The following GLT1D1 variants were observed in gnomAD, a reference collection of about 807,000 sequenced individuals.
GLT1D1 encodes glycosyltransferase 1 domain containing 1.
A neutral mutation model predicts 28.7 loss-of-function variants in GLT1D1; 21 were observed. The observed-to-expected ratio is 0.73, with a 90% CI of 0.52 to 1.05. GLT1D1 has a LOEUF of 1.05. GLT1D1 is among the 50% of genes least tolerant of loss of function. The pLI is 0.00. For missense variants in GLT1D1, 343 were observed against 330.6 expected, an observed-to-expected ratio of 1.04 and a Z score of -0.29; for synonymous variants, 147 against 124.8, an observed-to-expected ratio of 1.18 and a Z score of -1.19.
chr12:128,963,519 G>A (rs564145056), intron 7 of GLT1D1, among the ~76,000 whole-genome samples: 65 of 152,132 alleles, frequency 4.3e-4, no homozygotes, highest in Admixed American at 1.5e-3. Flanking sequence ...AGTGGTGGGC[G>A]CCTGTAATCC....
intron 4 of GLT1D1, among the ~76,000 whole-genome samples, chr12:128,908,910 C>T (rs1301899946): frequency 6.6e-6 from 1 of 152,090 alleles, no homozygotes; most frequent in Admixed American, 6.6e-5. Flanking sequence ...GATCGCGCCC[C>T]TGCACTCCAG....
chr12:128,929,268 A>G (rs949049867), intron 4 of GLT1D1, among the ~76,000 whole-genome samples: 11 of 152,192 alleles, frequency 7.2e-5, no homozygotes, highest in Non-Finnish European at 1.5e-4. Flanking sequence ...AGCAGCTCAC[A>G]TGGACTAAGC....
At chr12:128,945,164 C>A in intron 4 of GLT1D1, 162 bp from the exon 9 acceptor site, 2 of 771,004 alleles carry the variant, frequency 2.6e-6, no homozygotes, top group Non-Finnish European at 4.6e-6. Flanking sequence ...GAGCCGGGGG[C>A]CCCCATGATC....
rs1460347136 is a variant in GLT1D1 at position 128,901,670 on chromosome 12, T to G, written c.375+2383T>G. Among the ~76,000 whole-genome samples, 593 of 147,778 alleles carry G rather than the reference T, an allele frequency of 4.0e-3. 1 individual carries two copies. The highest frequency in any genetic ancestry group is 0.012 in the African/African-American group (464 of 38,892). ...CAGGCTGGTCTCGAACTCCCGACCT[T>G]GTGATCCACCCACCTTGGCCTCCCA... On this transcript the variant is annotated intron_variant, in intron 4 of 7. Coordinates refer to ENST00000281703, the MANE Select transcript of GLT1D1 (RefSeq NM_144669.3).
chr12:128,946,646 T>C (rs1158131541), intron 5 of GLT1D1, among the ~76,000 whole-genome samples: 5 of 101,906 alleles, frequency 4.9e-5, no homozygotes, highest in Non-Finnish European at 1.1e-4. Flanking sequence ...TTTTTTTTTT[T>C]TTTTTTTTTT....
At chr12:128,877,720 G>T (rs1294464898) in intron 2 of GLT1D1, among the ~76,000 whole-genome samples, 1 of 152,128 alleles carries the variant, frequency 6.6e-6, no homozygotes, top group East Asian at 1.9e-4. Context: ...GTACTGTATT[G>T]ATTATCTATT....
intron 4 of GLT1D1, among the ~76,000 whole-genome samples, chr12:128,919,109 G>A (rs1034180682): frequency 6.6e-6 from 1 of 152,134 alleles, no homozygotes; most frequent in Non-Finnish European, 1.5e-5. Context: ...GCATCTGTTC[G>A]CATTTGTGCC....
At chr12:128,907,696 T>G (rs1555266725) in intron 4 of GLT1D1, among the ~76,000 whole-genome samples, 1 of 152,218 alleles carries the variant, frequency 6.6e-6, no homozygotes. Context: ...GTGTGGGTTT[T>G]TTTGTTTGTT....
intron 4 of GLT1D1, among the ~76,000 whole-genome samples, chr12:128,928,866 C>A (rs575257381): frequency 6.8e-4 from 103 of 152,260 alleles, no homozygotes; most frequent in African/African-American, 2.4e-3. Flanking sequence ...AGGTGATCCA[C>A]CTGCCTCGAC....
intron 7 of GLT1D1, among the ~76,000 whole-genome samples, chr12:128,979,740 G>T (rs943869317): frequency 6.7e-6 from 1 of 148,904 alleles, no homozygotes; most frequent in Non-Finnish European, 1.5e-5. Flanking sequence ...GTAACACTGC[G>T]AGACTCTGTC....
At chr12:128,896,005 A>G (rs535080877) in intron 3 of GLT1D1, among the ~76,000 whole-genome samples, 8 of 152,334 alleles carry the variant, frequency 5.3e-5, no homozygotes, top group Non-Finnish European at 7.4e-5. Flanking sequence ...AGGTTAAGTA[A>G]GATGAAGACT....
At chr12:128,921,693 T>C (rs1465725) in intron 4 of GLT1D1, among the ~76,000 whole-genome samples, 86,637 of 151,754 alleles carry the variant, frequency 0.57, 26,215 homozygotes, top group Non-Finnish European at 0.69. Context: ...TTACAGCCTG[T>C]GTGACCAAAA....
At chr12:128,915,426 G>A (rs1872008748) in intron 4 of GLT1D1, among the ~76,000 whole-genome samples, 1 of 150,218 alleles carries the variant, frequency 6.7e-6, no homozygotes, top group Non-Finnish European at 1.5e-5. Flanking sequence ...GTGCAGTGGT[G>A]TGATCTAGAC....
chr12:128,936,614 C>T (rs985061598), intron 4 of GLT1D1, among the ~76,000 whole-genome samples: 41 of 152,074 alleles, frequency 2.7e-4, no homozygotes, highest in Non-Finnish European at 4.9e-4. Flanking sequence ...TGCTTGCAGG[C>T]GATCATATGT....
intron 7 of GLT1D1, among the ~76,000 whole-genome samples, chr12:128,963,260 G>A (rs1038616249): frequency 1.3e-5 from 2 of 152,212 alleles, no homozygotes; most frequent in South Asian, 4.1e-4. Flanking sequence ...GGTGTCAGCT[G>A]TCCCAGGAGG....
At chr12:128,931,708 C>G (rs1873912444) in intron 4 of GLT1D1, among the ~76,000 whole-genome samples, 1 of 152,142 alleles carries the variant, frequency 6.6e-6, no homozygotes, top group South Asian at 2.1e-4. Context: ...TGTCTTCCCT[C>G]CTAAAGTGTC....
chr12:128,926,015 C>A (rs1873168560), intron 4 of GLT1D1, among the ~76,000 whole-genome samples: 1 of 152,006 alleles, frequency 6.6e-6, no homozygotes. Flanking sequence ...CATGGTGAAA[C>A]CCCATGTCTA....
chr12:128,875,911 A>G lies in GLT1D1; in HGVS notation c.69-3A>G. ...TCTCCTTTCTCTGTATTTTTTGATA[A>G]AGGGCCCATCTAGAGGCTGCAGGGC... On this transcript the variant is annotated splice_region_variant and splice_polypyrimidine_tract_variant and intron_variant, in intron 1 of 7. Coordinates refer to ENST00000281703, the MANE Select transcript of GLT1D1 (RefSeq NM_144669.3). 1.9e-6 allele frequency: 3 copies of G among 1,610,104 alleles called. No individual in the cohort carries two copies. The highest frequency in any genetic ancestry group is 2.5e-6 in the Non-Finnish European group (3 of 1,178,870).
chr12:128,917,799 G>T (rs11608992), intron 4 of GLT1D1, among the ~76,000 whole-genome samples: 1 of 151,992 alleles, frequency 6.6e-6, no homozygotes, highest in Non-Finnish European at 1.5e-5. Flanking sequence ...TCAGAATGGC[G>T]ATTATTAAGA....
Sources: gnomAD v4.1 joint callset for allele counts (sites outside exome capture counted in the v4.1 genomes callset) on GRCh38, gnomAD v4.1.1 for gene constraint, MANE v1.5 for transcripts, NCBI Gene and HGNC (gene_info 2026-07-23, HGNC 2026-07-21) for gene names.